The following KMT2E variants were observed in gnomAD, a reference collection of about 807,000 sequenced individuals.
KMT2E encodes the protein lysine methyltransferase 2E (inactive), also known as histone reader KMT2E.
Under a neutral mutation model 184.6 loss-of-function variants are expected in KMT2E, and 30 were observed. The ratio of observed to expected loss-of-function variants is 0.16; its 90% confidence interval spans 0.12 to 0.22. The LOEUF is 0.22. KMT2E is among the 10% of genes least tolerant of loss of function. KMT2E has a pLI of 1.00. For synonymous variants in KMT2E, 815 were observed against 776.5 expected (o/e 1.05, Z -0.82); for missense variants, 2,023 against 2,237.4 (o/e 0.90, Z 1.93).
At chr7:105,079,001 T>TG (rs1480007728) in intron 12 of KMT2E, 38 bp downstream of exon 12, 5 of 1,097,458 alleles carry the variant, frequency 4.6e-6, no homozygotes, top group Non-Finnish European at 7.0e-6. Flanking sequence ...ATGTGGGTGC[T>TG]GGGGGTGTGT....
intron 3 of KMT2E, among the ~76,000 whole-genome samples, chr7:105,056,457 A>G (rs1410725715): frequency 6.6e-6 from 1 of 152,176 alleles, no homozygotes; most frequent in Non-Finnish European, 1.5e-5. Context: ...TGACCTTTAC[A>G]TGCTACTTGA....
chr7:105,032,083 A>C (rs1245657064), intron 1 of KMT2E, among the ~76,000 whole-genome samples: 1 of 150,898 alleles, frequency 6.6e-6, no homozygotes, highest in Non-Finnish European at 1.5e-5. Context: ...CAAAAAAAAA[A>C]AAAAAAAAAA....
At chr7:105,068,260 CT>C (rs949374428) in intron 6 of KMT2E, among the ~76,000 whole-genome samples, 102 of 144,050 alleles carry the variant, frequency 7.1e-4, no homozygotes, top group African/African-American at 1.8e-3. Context: ...GGTTCAATTT[CT>C]TTTTTTTTTT....
intron 3 of KMT2E, among the ~76,000 whole-genome samples, chr7:105,059,193 G>A (rs909477522): frequency 4.6e-5 from 7 of 152,108 alleles, no homozygotes; most frequent in Non-Finnish European, 1.0e-4. Flanking sequence ...TTTTGCTGTT[G>A]GACCTCAGAC....
chr7:105,040,916 G>A lies in KMT2E; in HGVS notation c.-37G>A, dbSNP rs750944716. The stretch of plus-strand genomic sequence containing the variant: ...CAGTGTTTTGGATACCAATGCATAG[G>A]ACTCCATAGTAATCGAATTTACCAG... On this transcript the variant is annotated 5_prime_UTR_variant, in exon 3 of 27. Coordinates refer to ENST00000311117, the MANE Select transcript of KMT2E (RefSeq NM_182931.3). The A allele has an allele frequency of 6.5e-7, 1 of 1,532,922 alleles. No individual in the cohort carries two copies. 95.0% of individuals were successfully genotyped at this position (1,532,922 alleles called of 1,614,324 possible).
At chr7:105,062,022 CTATA>C in intron 3 of KMT2E, 138 bp from the exon 4 acceptor site, 1 of 593,356 alleles carries the variant, frequency 1.7e-6, no homozygotes, top group Non-Finnish European at 3.0e-6. Flanking sequence ...TATATCTTAT[CTATA>C]GTGTATCCAC....
chr7:105,065,527 G>C (rs965151445), intron 5 of KMT2E, among the ~76,000 whole-genome samples: 1 of 152,136 alleles, frequency 6.6e-6, no homozygotes, highest in African/African-American at 2.4e-5. Context: ...GTAGATGCCT[G>C]AAACTGCAGA....
chr7:105,071,610 T>TATATA (rs1797319913), intron 6 of KMT2E, among the ~76,000 whole-genome samples: 1 of 37,902 alleles, frequency 2.6e-5, no homozygotes, highest in African/African-American at 1.3e-4. Flanking sequence ...ATATATATAT[T>TATATA]TTTTTTTTTT....
intron 15 of KMT2E, among the ~76,000 whole-genome samples, chr7:105,094,461 G>T (rs1255461149): frequency 6.6e-6 from 1 of 152,086 alleles, no homozygotes; most frequent in Admixed American, 6.5e-5. Context: ...TGGAATATTT[G>T]CATTGCACTT....
At chr7:105,071,350 GT>G (rs1391072056) in intron 6 of KMT2E, among the ~76,000 whole-genome samples, 3 of 151,024 alleles carry the variant, frequency 2.0e-5, no homozygotes, top group Non-Finnish European at 4.4e-5. Flanking sequence ...GAGCTGTGCT[GT>G]TTTTTTGTTG....
At chr7:105,084,831 G>C (rs1797897439) in intron 13 of KMT2E, among the ~76,000 whole-genome samples, 1 of 152,036 alleles carries the variant, frequency 6.6e-6, no homozygotes, top group South Asian at 2.1e-4. Context: ...TATTATAGTA[G>C]TACAGAATGT....
chr7:105,077,511 AT>A, intron 11 of KMT2E, 78 bp downstream of exon 11: 2 of 1,113,510 alleles, frequency 1.8e-6, no homozygotes, highest in Non-Finnish European at 2.7e-6. Flanking sequence ...AGATGTTGTG[AT>A]TATATGTACT....
chr7:105,046,225 A>G (rs1363545603), intron 3 of KMT2E, among the ~76,000 whole-genome samples: 4 of 152,024 alleles, frequency 2.6e-5, no homozygotes, highest in Admixed American at 6.6e-5. Context: ...CATATATTCT[A>G]TTTTTCACTC....
In KMT2E at chr7:105,110,368, G is replaced by A; in HGVS notation, c.3844G>A (p.Gly1282Arg). ...LSDHRKDKDS[G>R]GESPCVSCSP... is the part of the protein sequence containing the mutation. The stretch of plus-strand genomic sequence containing the variant: ...TGATCACCGAAAAGATAAAGATAGT[G>A]GTAAGTGAGCTTGTTCCTTCACCAG... The change falls in exon 24 of 27, where the codon GGG becomes AGG. Residue 1282 changes from glycine (G) to arginine (R), a missense_variant and splice_region_variant. Gly to Arg is a moderately radical substitution (Grantham distance 125, BLOSUM62 -2). This residue lies in a region of KMT2E where 1,108 missense variants were observed against 1,050.9 expected (regional missense o/e 1.05). Coordinates refer to ENST00000311117, the MANE Select transcript of KMT2E (RefSeq NM_182931.3). The A allele has an allele frequency of 3.1e-6, 5 of 1,613,954 alleles. No homozygotes were observed. The highest frequency in any genetic ancestry group is 4.2e-6 in the Non-Finnish European group (5 of 1,179,854).
At chr7:105,110,449 C>T (rs1462734345) in intron 24 of KMT2E, 28 bp from the exon 25 acceptor site, 7 of 1,614,018 alleles carry the variant, frequency 4.3e-6, no homozygotes, top group Non-Finnish European at 5.9e-6. Context: ...CTAATGTTCT[C>T]TTTGGGTCTG....
intron 13 of KMT2E, among the ~76,000 whole-genome samples, chr7:105,086,765 T>C (rs1044243784): frequency 7.7e-6 from 1 of 130,228 alleles, no homozygotes; most frequent in Non-Finnish European, 1.5e-5. Flanking sequence ...ATTAAAAATA[T>C]AAATATATAT....
chr7:105,029,864 G>C (rs1326994094), intron 1 of KMT2E, among the ~76,000 whole-genome samples: 2 of 152,142 alleles, frequency 1.3e-5, no homozygotes, highest in Non-Finnish European at 2.9e-5. Context: ...GACTGAGCCT[G>C]GGGGCAACTA....
intron 3 of KMT2E, among the ~76,000 whole-genome samples, chr7:105,057,628 T>G (rs1223679516): frequency 1.3e-5 from 2 of 152,026 alleles, no homozygotes; most frequent in Non-Finnish European, 2.9e-5. Context: ...ATTTTTTCAT[T>G]TTTTGATAGA....
chr7:105,078,102 T>C (rs538690376), intron 11 of KMT2E, among the ~76,000 whole-genome samples: 1 of 152,352 alleles, frequency 6.6e-6, no homozygotes, highest in South Asian at 2.1e-4. Flanking sequence ...AACTTGAATA[T>C]TTACTTAAGA....
Sources: gnomAD v4.1 joint callset for allele counts (sites outside exome capture counted in the v4.1 genomes callset) on GRCh38, gnomAD v4.1.1 for gene constraint, gnomAD v4.1.1 regional missense constraint, MANE v1.5 for transcripts, NCBI Gene and HGNC (gene_info 2026-07-23, HGNC 2026-07-21) for gene names.